The following NTN4 variants were observed in gnomAD, a reference collection of about 807,000 sequenced individuals.
The protein encoded by NTN4 is netrin 4.
NTN4 carries 32 observed loss-of-function variants against 73.6 expected under a neutral mutation model. The observed-to-expected ratio is 0.44, with a 90% CI of 0.33 to 0.58. NTN4 has a LOEUF of 0.58. NTN4 is among the 20% of genes least tolerant of loss of function. The pLI is 0.04. For missense variants in NTN4, 654 were observed against 798.3 expected, an observed-to-expected ratio of 0.82 and a Z score of 2.18; for synonymous variants, 258 against 287.5, an observed-to-expected ratio of 0.90 and a Z score of 1.04.
rs776777904 is a variant in NTN4 at position 95,786,915 on chromosome 12, G to A, written c.585+24C>T. 28 of 1,601,260 alleles carry A rather than the reference G, an allele frequency of 1.7e-5. No homozygotes were observed. The South Asian group carries it at 2.7e-4, about 15-fold the overall frequency. ...AACATTTTTCTATCTTACTTACAGT[G>A]TAGAGTTAAACAGGTGCCCTTACCT... On this transcript the variant is annotated intron_variant, in intron 2 of 9. Coordinates refer to ENST00000343702, the MANE Select transcript of NTN4 (RefSeq NM_021229.4).
intron 5 of NTN4, among the ~76,000 whole-genome samples, chr12:95,694,964 C>A (rs1296064698): frequency 2.0e-5 from 3 of 152,082 alleles, no homozygotes; most frequent in African/African-American, 7.2e-5. Flanking sequence ...CCCATCTCTA[C>A]TCAAAATACA....
At chr12:95,714,798 G>A (rs914481717) in intron 3 of NTN4, among the ~76,000 whole-genome samples, 1 of 152,078 alleles carries the variant, frequency 6.6e-6, no homozygotes, top group African/African-American at 2.4e-5. Flanking sequence ...AATGAACCAA[G>A]GTGTAAGGAG....
intron 9 of NTN4, 69 bp downstream of exon 9, chr12:95,665,741 A>G: frequency 3.2e-6 from 4 of 1,234,890 alleles, no homozygotes; most frequent in East Asian, 2.5e-5. Flanking sequence ...TGTGCTTCAG[A>G]GGATGTAAGA....
At chr12:95,750,776 G>A (rs1279810265) in intron 2 of NTN4, among the ~76,000 whole-genome samples, 5 of 151,888 alleles carry the variant, frequency 3.3e-5, no homozygotes, top group Non-Finnish European at 4.4e-5. Context: ...GCTGCTCCTC[G>A]CCAGGCCGAG....
chr12:95,726,857 C>G (rs1221621733), intron 3 of NTN4, among the ~76,000 whole-genome samples: 2 of 152,058 alleles, frequency 1.3e-5, no homozygotes. Flanking sequence ...ATAATCCCAG[C>G]TACTCAGAAG....
intron 2 of NTN4, among the ~76,000 whole-genome samples, chr12:95,744,833 C>CTTT (rs59086846): frequency 8.5e-6 from 1 of 118,254 alleles, no homozygotes; most frequent in African/African-American, 3.1e-5. Flanking sequence ...TGGTGAAAAA[C>CTTT]TTTTTTTTTT....
At chr12:95,678,226 T>C (rs2078288553) in intron 7 of NTN4, among the ~76,000 whole-genome samples, 2 of 150,418 alleles carry the variant, frequency 1.3e-5, no homozygotes, top group African/African-American at 4.9e-5. Flanking sequence ...TTAGGACAAA[T>C]ACCTAATGCG....
chr12:95,790,600 G>T lies in NTN4; in HGVS notation c.-291C>A. On this transcript the variant is annotated 5_prime_UTR_variant, in exon 1 of 10. Transcript: ENST00000343702. This position sits in a 1 kb window ranked among gnomAD's most constrained non-coding sequence, Gnocchi z 6.5. ...CCTGGCTGCGCTGCCCCGCGGAGCG[G>T]CCCTGCGGGCTCGTCTGCCGCTAGC... The T allele has an allele frequency of 4.1e-6, 1 of 241,630 alleles. No homozygotes were observed. Among genetic ancestry groups the T allele is most frequent in the South Asian group, 1.7e-4 (1 of 5,814 alleles). 15.0% of individuals were successfully genotyped at this position (241,630 alleles called of 1,614,324 possible).
At chr12:95,731,425 G>C (rs996086841) in intron 3 of NTN4, among the ~76,000 whole-genome samples, 2 of 152,144 alleles carry the variant, frequency 1.3e-5, no homozygotes, top group African/African-American at 4.8e-5. Context: ...AATTAGCCGG[G>C]TGTGGTAGTG....
chr12:95,757,735 T>TCATTAC (rs761578300), intron 2 of NTN4, among the ~76,000 whole-genome samples: 2,554 of 86,016 alleles, frequency 0.03, 26 homozygotes, highest in Middle Eastern at 0.094. Flanking sequence ...TAGTGAAAAT[T>TCATTAC]CATTATCATA....
At chr12:95,685,561 G>T (rs981064218) in intron 5 of NTN4, among the ~76,000 whole-genome samples, 1 of 152,188 alleles carries the variant, frequency 6.6e-6, no homozygotes, top group African/African-American at 2.4e-5. Flanking sequence ...GTCACACACT[G>T]AAGAAGCCAG....
intron 5 of NTN4, among the ~76,000 whole-genome samples, chr12:95,696,987 C>T (rs1031007405): frequency 2.0e-5 from 3 of 151,746 alleles, no homozygotes; most frequent in Non-Finnish European, 4.4e-5. Context: ...CTGGGCAACA[C>T]AGCAAGAGCC....
intron 7 of NTN4, chr12:95,672,420 C>A: frequency 8.3e-7 from 1 of 1,200,028 alleles, no homozygotes; most frequent in Non-Finnish European, 1.2e-6. Context: ...GGAGGTGAAG[C>A]GCAGGCGGGC....
intron 4 of NTN4, among the ~76,000 whole-genome samples, chr12:95,712,465 T>C (rs965581179): frequency 6.6e-6 from 1 of 152,256 alleles, no homozygotes. Context: ...TTTCCTGATC[T>C]CTATAATGGG....
intron 2 of NTN4, among the ~76,000 whole-genome samples, chr12:95,752,147 C>A (rs2078913096): frequency 6.6e-6 from 1 of 152,036 alleles, no homozygotes; most frequent in Non-Finnish European, 1.5e-5. Context: ...CCACTCAACG[C>A]CAATATCCCA....
rs184805958 is a variant in NTN4 at position 95,782,608 on chromosome 12, T to A, written c.585+4331A>T. 4.6e-5 allele frequency among the ~76,000 whole-genome samples: 7 copies of A among 152,324 alleles called. No individual in the cohort carries two copies. The East Asian group carries it at 1.4e-3, about 29-fold the overall frequency. The stretch of plus-strand genomic sequence containing the variant: ...TACCCAGCCTAATAATCCTTTTCTA[T>A]TCAAAGATTACTTTGAGACCCAGCT... On this transcript the variant is annotated intron_variant, in intron 2 of 9. Transcript: ENST00000343702.
intron 2 of NTN4, among the ~76,000 whole-genome samples, chr12:95,746,267 G>A (rs550111329): frequency 3.3e-5 from 5 of 152,190 alleles, no homozygotes; most frequent in Admixed American, 2.0e-4. Flanking sequence ...CCAAAGCCCC[G>A]CGTCTATCAC....
intron 2 of NTN4, among the ~76,000 whole-genome samples, chr12:95,770,480 A>G (rs1311001696): frequency 6.6e-6 from 1 of 152,152 alleles, no homozygotes; most frequent in Non-Finnish European, 1.5e-5. Context: ...TGTGACCTCC[A>G]TTACCTTTAC....
At chr12:95,666,286 A>G (rs2078179144) in intron 8 of NTN4, among the ~76,000 whole-genome samples, 1 of 152,144 alleles carries the variant, frequency 6.6e-6, no homozygotes, top group African/African-American at 2.4e-5. Flanking sequence ...AAGAGAGGGG[A>G]TAAGGGATAA....
Sources: gnomAD v4.1 joint callset for allele counts (sites outside exome capture counted in the v4.1 genomes callset) on GRCh38, gnomAD v4.1.1 for gene constraint, Gnocchi (gnomAD v3.1) non-coding constraint, MANE v1.5 for transcripts, NCBI Gene and HGNC (gene_info 2026-07-23, HGNC 2026-07-21) for gene names.